COLEC12: variants seen among roughly 807,000 people sequenced by gnomAD.
COLEC12 encodes collectin subfamily member 12.
A neutral mutation model predicts 71.1 loss-of-function variants in COLEC12; 33 were observed. That is an observed-to-expected ratio of 0.46 (90% CI 0.35 to 0.62). The LOEUF (loss-of-function observed/expected upper bound fraction) is 0.62. Among genes scored for constraint, COLEC12 ranks in the 20% least tolerant of loss-of-function variants. COLEC12 has a pLI of 0.00. For missense variants in COLEC12, 765 were observed against 916.1 expected (o/e 0.84, Z 2.13); for synonymous variants, 350 against 353.0 (o/e 0.99, Z 0.10).
chr18:421,270 G>A (rs1373937409), intron 2 of COLEC12, among the ~76,000 whole-genome samples: 1 of 152,128 alleles, frequency 6.6e-6, no homozygotes, highest in Non-Finnish European at 1.5e-5. Context: ...GAGAGCAGAT[G>A]GCAAAAAATG....
intron 2 of COLEC12, among the ~76,000 whole-genome samples, chr18:384,588 G>A (rs1915304176): frequency 6.6e-6 from 1 of 152,228 alleles, no homozygotes; most frequent in Non-Finnish European, 1.5e-5. Flanking sequence ...AGGAGGCACA[G>A]TTAAAAGAAT....
chr18:462,359 G>T (rs1218679970), intron 2 of COLEC12, among the ~76,000 whole-genome samples: 1 of 152,226 alleles, frequency 6.6e-6, no homozygotes, highest in Non-Finnish European at 1.5e-5. Flanking sequence ...TTTAAAAAAT[G>T]AGGTACTGCT....
intron 3 of COLEC12, among the ~76,000 whole-genome samples, chr18:350,852 TG>T (rs1914500677): frequency 6.7e-6 from 1 of 150,018 alleles, no homozygotes; most frequent in Non-Finnish European, 1.5e-5. Context: ...TGCTTGAACC[TG>T]GGAGGTGGAA....
intron 5 of COLEC12, among the ~76,000 whole-genome samples, chr18:339,599 G>A (rs1207117751): frequency 6.6e-6 from 1 of 152,122 alleles, no homozygotes; most frequent in Admixed American, 6.6e-5. Context: ...CTCTTAATCA[G>A]ATAAGGCTTA....
chr18:498,987 A>G (rs1598384422), intron 1 of COLEC12, among the ~76,000 whole-genome samples: 1 of 152,186 alleles, frequency 6.6e-6, no homozygotes, highest in East Asian at 1.9e-4. Context: ...TGGAGTGGGT[A>G]GGTGGTTAAT....
intron 2 of COLEC12, among the ~76,000 whole-genome samples, chr18:439,141 A>C (rs552666301): frequency 6.6e-6 from 1 of 152,198 alleles, no homozygotes; most frequent in Non-Finnish European, 1.5e-5. Flanking sequence ...TGAGAAATCA[A>C]CTTCATCCCA....
chr18:396,474 C>T (rs1915574350), intron 2 of COLEC12, among the ~76,000 whole-genome samples: 1 of 152,214 alleles, frequency 6.6e-6, no homozygotes. Flanking sequence ...TCTCCAATAA[C>T]ATGTACTGAT....
Position 324,744 on chromosome 18 carries a change from G to A in COLEC12, c.2064-2937C>T, listed in dbSNP as rs532268271. Among the ~76,000 whole-genome samples, 117 of 151,990 alleles carry A rather than the reference G, an allele frequency of 7.7e-4. 1 individual carries two copies. Among genetic ancestry groups the A allele is most frequent in the Middle Eastern group, 6.8e-3 (2 of 292 alleles). On this transcript the variant is annotated intron_variant, in intron 8 of 9. Transcript: ENST00000400256. ...CTCAGGAGTCTGAGGCACGAGAATC[G>A]CTTGAAGCCAGGAGGTGAAGGTTGT... is the stretch of plus-strand genomic sequence containing the variant.
chr18:372,020 G>A (rs966166036), intron 2 of COLEC12, among the ~76,000 whole-genome samples: 3 of 152,158 alleles, frequency 2.0e-5, no homozygotes, highest in African/African-American at 7.2e-5. Context: ...GGTCTGCAGA[G>A]TGGAGCTGGA....
intron 2 of COLEC12, among the ~76,000 whole-genome samples, chr18:454,594 A>G (rs548956439): frequency 6.6e-6 from 1 of 152,338 alleles, no homozygotes; most frequent in Non-Finnish European, 1.5e-5. Context: ...AGGCAGGAGA[A>G]TCACTTGAAC....
intron 2 of COLEC12, among the ~76,000 whole-genome samples, chr18:434,636 C>T (rs894249061): frequency 2.0e-5 from 3 of 152,224 alleles, no homozygotes; most frequent in African/African-American, 7.2e-5. Context: ...TGATGCAATG[C>T]ACTGTCAAAC....
At chr18:447,167 C>CT (rs1217462160) in intron 2 of COLEC12, among the ~76,000 whole-genome samples, 12 of 152,216 alleles carry the variant, frequency 7.9e-5, no homozygotes, top group Admixed American at 2.0e-4. Context: ...TACATTCAGG[C>CT]TTTACTTGGC....
At chr18:385,936 A>G (rs1915335846) in intron 2 of COLEC12, among the ~76,000 whole-genome samples, 2 of 152,202 alleles carry the variant, frequency 1.3e-5, no homozygotes, top group Non-Finnish European at 2.9e-5. Flanking sequence ...TTAATCTACA[A>G]AATAAAATCT....
intron 2 of COLEC12, among the ~76,000 whole-genome samples, chr18:410,526 C>T (rs1915872032): frequency 6.6e-6 from 1 of 152,036 alleles, no homozygotes. Context: ...GCAACCTCCA[C>T]CTCCTGGGTT....
intron 1 of COLEC12, among the ~76,000 whole-genome samples, chr18:486,832 G>C (rs1040791365): frequency 1.3e-5 from 2 of 152,234 alleles, no homozygotes; most frequent in African/African-American, 4.8e-5. Flanking sequence ...TGTTGGCAAA[G>C]ATAGGGAGAA....
chr18:428,633 ATTAC>A (rs1348810546), intron 2 of COLEC12, among the ~76,000 whole-genome samples: 1 of 152,204 alleles, frequency 6.6e-6, no homozygotes, highest in Non-Finnish European at 1.5e-5. Flanking sequence ...TAAATAAGGT[ATTAC>A]TTCTGAAAAG....
At position 500,104 on chromosome 18, in the gene COLEC12, G is replaced by A. The variant is rs1411637272; in HGVS notation, c.7+404C>T. 6.6e-6 allele frequency among the ~76,000 whole-genome samples: 1 copy of A among 152,238 alleles called. No homozygotes were observed. The highest frequency in any genetic ancestry group is 1.5e-5 in the Non-Finnish European group (1 of 68,040). On this transcript the variant is annotated intron_variant, in intron 1 of 9. Coordinates refer to ENST00000400256, the MANE Select transcript of COLEC12 (RefSeq NM_130386.3). This position sits in a 1 kb window ranked among gnomAD's most constrained non-coding sequence, Gnocchi z 5.3. ...CTCGGGCCGGGAAACGGCTAGAGGC[G>A]GGAGGAGAGAGGACTGGGCGAGCGT...
intron 2 of COLEC12, among the ~76,000 whole-genome samples, chr18:416,997 GCAAT>G (rs1915999403): frequency 1.3e-5 from 2 of 151,462 alleles, no homozygotes; most frequent in Non-Finnish European, 1.5e-5. Context: ...GCAGTAATTA[GCAAT>G]CATTCATTAA....
intron 2 of COLEC12, among the ~76,000 whole-genome samples, chr18:459,435 C>A (rs565166127): frequency 7.5e-4 from 115 of 152,328 alleles, no homozygotes; most frequent in Non-Finnish European, 1.5e-3. Context: ...TTAGCATGCA[C>A]AATGTCTGGC....
Sources: allele counts gnomAD v4.1 joint callset (sites outside exome capture counted in the v4.1 genomes callset), GRCh38; gene constraint gnomAD v4.1.1; non-coding constraint Gnocchi (gnomAD v3.1); transcripts MANE v1.5; gene names NCBI Gene and HGNC (gene_info 2026-07-23, HGNC 2026-07-21).